Variants in RYR2 observed in about 807,000 individuals in gnomAD.
RYR2 encodes the protein cardiac muscle ryanodine receptor-calcium release channel.
RYR2 carries 227 observed loss-of-function variants against 601.1 expected under a neutral mutation model. The ratio of observed to expected loss-of-function variants is 0.38; its 90% confidence interval spans 0.34 to 0.42. RYR2 has a LOEUF of 0.42. RYR2 is among the 10% of genes least tolerant of loss of function. RYR2 has a pLI of 1.00. For synonymous variants in RYR2, 2,223 were observed against 2,175.1 expected (o/e 1.02, Z -0.61); for missense variants, 4,646 against 6,156.5 (o/e 0.75, Z 8.21).
At chr1:237,064,452 TCTTTC>T (rs1663274133) in intron 1 of RYR2, among the ~76,000 whole-genome samples, 2 of 152,188 alleles carry the variant, frequency 1.3e-5, no homozygotes, top group Admixed American at 6.5e-5. Context: ...CGTTTGTTTC[TCTTTC>T]CTTTTCTTCC....
intron 35 of RYR2, among the ~76,000 whole-genome samples, chr1:237,606,221 T>C (rs1677105511): frequency 6.6e-6 from 1 of 151,978 alleles, no homozygotes; most frequent in Non-Finnish European, 1.5e-5. Context: ...AAAACAGAGA[T>C]ACAGACCAAT....
At chr1:237,056,528 CA>C (rs1333874826) in intron 1 of RYR2, among the ~76,000 whole-genome samples, 6 of 140,234 alleles carry the variant, frequency 4.3e-5, no homozygotes, top group Non-Finnish European at 6.1e-5. Flanking sequence ...AGGACTGGAG[CA>C]CTGCGTCTGT....
At chr1:237,105,645 A>C (rs1314532460) in intron 1 of RYR2, among the ~76,000 whole-genome samples, 1 of 152,126 alleles carries the variant, frequency 6.6e-6, no homozygotes, top group Non-Finnish European at 1.5e-5. Context: ...CAGCCTGGTC[A>C]ACATGGTAAA....
chr1:237,150,290 A>T (rs1035223809), intron 1 of RYR2, among the ~76,000 whole-genome samples: 2 of 152,138 alleles, frequency 1.3e-5, no homozygotes, highest in Non-Finnish European at 2.9e-5. Context: ...GCTTCTTGAG[A>T]TGTAGGAATT....
intron 1 of RYR2, among the ~76,000 whole-genome samples, chr1:237,185,040 T>C (rs1314411071): frequency 1.3e-5 from 2 of 152,002 alleles, no homozygotes; most frequent in African/African-American, 4.8e-5. Context: ...TGGCTAATCT[T>C]ATTTTTTGTA....
intron 97 of RYR2, among the ~76,000 whole-genome samples, chr1:237,798,895 C>T (rs988929682): frequency 1.3e-5 from 2 of 151,966 alleles, no homozygotes; most frequent in Non-Finnish European, 1.5e-5. Flanking sequence ...CTTTTAAAAA[C>T]GTAATTGCTT....
chr1:237,690,814 C>A (rs936470644), intron 63 of RYR2, among the ~76,000 whole-genome samples: 3 of 152,246 alleles, frequency 2.0e-5, no homozygotes, highest in African/African-American at 7.2e-5. Flanking sequence ...AGTGAGCCAA[C>A]ATTGCACACC....
At chr1:237,090,923 C>A (rs1456685821) in intron 1 of RYR2, among the ~76,000 whole-genome samples, 2 of 152,134 alleles carry the variant, frequency 1.3e-5, no homozygotes, top group Non-Finnish European at 2.9e-5. Context: ...AGAATATTAT[C>A]CCATGTGCAT....
chr1:237,270,229 GA>G, intron 1 of RYR2: 1 of 577,308 alleles, frequency 1.7e-6, no homozygotes, highest in South Asian at 1.6e-5. Context: ...TGCCTCTGGG[GA>G]TCAGTCAGTA....
chr1:237,313,283 A>G (rs1694757087), intron 2 of RYR2, among the ~76,000 whole-genome samples: 1 of 152,186 alleles, frequency 6.6e-6, no homozygotes, highest in African/African-American at 2.4e-5. Flanking sequence ...CAGGGAACCT[A>G]TGAATGTTGC....
At chr1:237,311,493 T>G (rs915526706) in intron 2 of RYR2, among the ~76,000 whole-genome samples, 2 of 152,040 alleles carry the variant, frequency 1.3e-5, no homozygotes, top group African/African-American at 4.8e-5. Context: ...TTTTTTTTTT[T>G]TTTTGATACT....
At chr1:237,590,559 G>A (rs993515551) in intron 30 of RYR2, 81 bp from the exon 31 acceptor site, 85 of 1,178,736 alleles carry the variant, frequency 7.2e-5, no homozygotes, top group Non-Finnish European at 7.6e-5. Context: ...TTCTGAAAAC[G>A]TGATGTGCCT....
intron 84 of RYR2, among the ~76,000 whole-genome samples, chr1:237,766,133 C>G (rs1440212345): frequency 6.6e-6 from 1 of 152,036 alleles, no homozygotes; most frequent in Non-Finnish European, 1.5e-5. Flanking sequence ...AATGATCAGA[C>G]TAGAGGATGG....
At chr1:237,333,265 A>T (rs1387944853) in intron 3 of RYR2, among the ~76,000 whole-genome samples, 1 of 152,276 alleles carries the variant, frequency 6.6e-6, no homozygotes, top group Non-Finnish European at 1.5e-5. Flanking sequence ...ACTTTTAGAA[A>T]GAAACCAATG....
intron 103 of RYR2, 29 bp downstream of exon 103, chr1:237,830,659 C>T (rs1159525209): frequency 8.5e-7 from 1 of 1,178,088 alleles, no homozygotes; most frequent in Non-Finnish European, 1.3e-6. Flanking sequence ...GAATCTTCCA[C>T]CTCTCCAGTA....
chr1:237,324,205 G>T (rs534993146), intron 2 of RYR2, among the ~76,000 whole-genome samples: 374 of 151,898 alleles, frequency 2.5e-3, no homozygotes, highest in African/African-American at 8.3e-3. Context: ...CAACACCATG[G>T]TTTTTTTTGT....
intron 24 of RYR2, 43 bp downstream of exon 24, chr1:237,511,834 GAAAAAAAAAAAAAA>G (rs71561879): frequency 5.3e-6 from 1 of 187,580 alleles, no homozygotes; most frequent in East Asian, 1.1e-4. Context: ...TGCCTTCCCT[GAAAAAAAAAAAAAA>G]AAAAAAAAAA....
In RYR2 at chr1:237,656,000, A is replaced by G. The variant is rs1298862547; in HGVS notation, c.8129+16A>G. The G allele has an allele frequency of 1.2e-6, 2 of 1,609,364 alleles. No individual in the cohort carries two copies. The highest frequency in any genetic ancestry group is 1.1e-5 in the South Asian group (1 of 89,922). On this transcript the variant is annotated intron_variant, in intron 53 of 104. Transcript: ENST00000366574. ...ATACCTCAAAGTATGGACTCTTTCT[A>G]TTGCAGCAGATTTTTATTGTAAATG...
intron 1 of RYR2, among the ~76,000 whole-genome samples, chr1:237,068,860 T>A (rs1323683712): frequency 2.0e-5 from 3 of 152,162 alleles, no homozygotes; most frequent in Non-Finnish European, 2.9e-5. Context: ...AACTGACATT[T>A]TTCTTCCAAC....
Sources: gnomAD v4.1 joint callset for allele counts (sites outside exome capture counted in the v4.1 genomes callset) on GRCh38, gnomAD v4.1.1 for gene constraint, MANE v1.5 for transcripts, NCBI Gene and HGNC (gene_info 2026-07-23, HGNC 2026-07-21) for gene names.